HAPLN1: variants seen among roughly 807,000 people sequenced by gnomAD.
The protein encoded by HAPLN1 is hyaluronan and proteoglycan link protein 1.
Under a neutral mutation model 36.5 loss-of-function variants are expected in HAPLN1, and 13 were observed. The observed-to-expected ratio is 0.36, with a 90% confidence interval of 0.23 to 0.57. The LOEUF (loss-of-function observed/expected upper bound fraction) is 0.57. HAPLN1 is among the 20% of genes least tolerant of loss of function. The probability of loss-of-function intolerance (pLI) is 0.83; values close to 1 mark genes in which losing one functional copy is unlikely to be tolerated. For synonymous variants in HAPLN1, 202 were observed against 169.8 expected (o/e 1.19, Z -1.48); for missense variants, 407 against 439.7 (o/e 0.93, Z 0.66).
chr5:83,690,093 A>T (rs2075883132), intron 1 of HAPLN1, among the ~76,000 whole-genome samples: 3 of 152,068 alleles, frequency 2.0e-5, no homozygotes. Context: ...TCTTCAGTTT[A>T]CTTAAATAGG....
chr5:83,644,889 T>A (rs1340030102), intron 3 of HAPLN1, among the ~76,000 whole-genome samples: 2 of 152,226 alleles, frequency 1.3e-5, no homozygotes, highest in Admixed American at 6.5e-5. Context: ...AGTGATTTAC[T>A]GCTTTAGCTA....
At chr5:83,714,205 C>T (rs898848983) in intron 1 of HAPLN1, among the ~76,000 whole-genome samples, 4 of 152,108 alleles carry the variant, frequency 2.6e-5, no homozygotes, top group African/African-American at 9.7e-5. Context: ...CCCCTCTCCT[C>T]TAGGCTACTG....
chr5:83,671,254 C>A (rs890570689), intron 2 of HAPLN1, among the ~76,000 whole-genome samples: 4 of 152,018 alleles, frequency 2.6e-5, no homozygotes, highest in Non-Finnish European at 1.5e-5. Flanking sequence ...GAAATCTAAT[C>A]AAAAATAGGA....
chr5:83,699,352 G>A (rs1314179345), intron 1 of HAPLN1, among the ~76,000 whole-genome samples: 1 of 152,186 alleles, frequency 6.6e-6, no homozygotes, highest in Non-Finnish European at 1.5e-5. Flanking sequence ...TCCAGCAAAG[G>A]TGTCCTTAAG....
chr5:83,684,633 T>C (rs561221932), intron 1 of HAPLN1, among the ~76,000 whole-genome samples: 148 of 152,254 alleles, frequency 9.7e-4, no homozygotes, highest in African/African-American at 3.4e-3. Context: ...GAGCTTGGCC[T>C]GCTTGTGTGA....
chr5:83,682,287 T>C (rs1419671135), intron 1 of HAPLN1: 1 of 152,180 alleles, frequency 6.6e-6, no homozygotes, highest in Non-Finnish European at 1.5e-5. Flanking sequence ...TGTGTCATTC[T>C]AAAGTAGTTA....
intron 1 of HAPLN1, among the ~76,000 whole-genome samples, chr5:83,716,227 T>C (rs551757875): frequency 1.3e-5 from 2 of 152,328 alleles, no homozygotes; most frequent in Non-Finnish European, 2.9e-5. Context: ...TATTATTTAA[T>C]TTAATTGGAT....
Position 83,704,176 on chromosome 5 carries a change from G to A in HAPLN1, c.-27+16613C>T, listed in dbSNP as rs72772933. 0.029 allele frequency among the ~76,000 whole-genome samples: 4,453 copies of A among 151,572 alleles called. 277 individuals are homozygous for A. The East Asian group carries it at 0.3, about 10-fold the overall frequency. The stretch of plus-strand genomic sequence containing the variant: ...TGAACTAAGCTTCCTAAGTGAAGAA[G>A]AAATAAGATCTTTTTCAGATATGCA... On this transcript the variant is annotated intron_variant, in intron 1 of 4. Transcript: ENST00000274341.
At position 83,661,055 on chromosome 5, in the gene HAPLN1, T is replaced by C. The variant is rs141738681; in HGVS notation, c.101-8231A>G. On this transcript the variant is annotated intron_variant, in intron 2 of 4. Transcript: ENST00000274341. The stretch of plus-strand genomic sequence containing the variant: ...GCAGTTCCTAGAAAGTGTTGGTTCC[T>C]GAGAAATTCACATCTCATCAACTCT... 6.2e-3 allele frequency among the ~76,000 whole-genome samples: 947 copies of C among 152,292 alleles called. 12 individuals are homozygous for C. Among genetic ancestry groups the C allele is most frequent in the African/African-American group, 0.022 (897 of 41,544 alleles).
chr5:83,693,759 G>A (rs1751330983), intron 1 of HAPLN1, among the ~76,000 whole-genome samples: 1 of 151,810 alleles, frequency 6.6e-6, no homozygotes, highest in Admixed American at 6.6e-5. Flanking sequence ...ATGATAAAGT[G>A]TCCAATTATC....
At chr5:83,650,628 T>C (rs1216578594) in intron 3 of HAPLN1, among the ~76,000 whole-genome samples, 2 of 135,220 alleles carry the variant, frequency 1.5e-5, no homozygotes, top group Admixed American at 1.6e-4. Context: ...AAAAAAATTC[T>C]TTTCTTTTTT....
chr5:83,659,344 T>C (rs17206082), intron 2 of HAPLN1, among the ~76,000 whole-genome samples: 23,019 of 152,116 alleles, frequency 0.15, 2,185 homozygotes, highest in Non-Finnish European at 0.21. Context: ...AACTTTGACC[T>C]GAAGATACAA....
intron 1 of HAPLN1, among the ~76,000 whole-genome samples, chr5:83,678,220 G>GGTGTGTGTGTGTGTGTGTGT (rs56962854): frequency 2.0e-4 from 29 of 142,638 alleles, no homozygotes; most frequent in Admixed American, 1.7e-3. Flanking sequence ...CTATAGTTTG[G>GGTGTGTGTGTGTGTGTGTGT]GTGTGTGTGT....
chr5:83,693,535 G>A (rs1751325714), intron 1 of HAPLN1, among the ~76,000 whole-genome samples: 3 of 151,606 alleles, frequency 2.0e-5, no homozygotes, highest in Admixed American at 6.6e-5. Flanking sequence ...TCCATTGAAA[G>A]GCAGAGATTG....
chr5:83,665,849 T>C lies in HAPLN1; in HGVS notation c.100+7575A>G, dbSNP rs138575635. Among the ~76,000 whole-genome samples, 602 of 152,334 alleles carry C rather than the reference T, an allele frequency of 4.0e-3. 4 individuals carry two copies. Among genetic ancestry groups the C allele is most frequent in the African/African-American group, 0.014 (570 of 41,588 alleles). ...CACCTTAGACATGGTGACTAGTCAC[T>C]GACTAACAGTGAAGTCAAGTAACCA... On this transcript the variant is annotated intron_variant, in intron 2 of 4. Coordinates refer to ENST00000274341, the MANE Select transcript of HAPLN1 (RefSeq NM_001884.4).
chr5:83,665,838 T>C (rs943256836), intron 2 of HAPLN1, among the ~76,000 whole-genome samples: 4 of 152,188 alleles, frequency 2.6e-5, no homozygotes, highest in Non-Finnish European at 5.9e-5. Context: ...TTAGACATGG[T>C]GACTAGTCAC....
At chr5:83,691,516 G>A (rs1057344281) in intron 1 of HAPLN1, among the ~76,000 whole-genome samples, 1 of 151,964 alleles carries the variant, frequency 6.6e-6, no homozygotes, top group African/African-American at 2.4e-5. Context: ...CGCTAGTGGA[G>A]GGAAAAGTAA....
At chr5:83,683,928 C>A (rs1751060953) in intron 1 of HAPLN1, among the ~76,000 whole-genome samples, 2 of 152,036 alleles carry the variant, frequency 1.3e-5, no homozygotes, top group Non-Finnish European at 2.9e-5. Flanking sequence ...AACAGGGCCC[C>A]TACTGCTGAG....
At chr5:83,671,007 CT>C (rs1418692078) in intron 2 of HAPLN1, among the ~76,000 whole-genome samples, 1 of 151,910 alleles carries the variant, frequency 6.6e-6, no homozygotes, top group South Asian at 2.1e-4. Flanking sequence ...TTCTTTCTTT[CT>C]TTTTTAATAT....
Sources: allele counts gnomAD v4.1 joint callset (sites outside exome capture counted in the v4.1 genomes callset), GRCh38; gene constraint gnomAD v4.1.1; transcripts MANE v1.5; gene names NCBI Gene and HGNC (gene_info 2026-07-23, HGNC 2026-07-21).